The following MGST1 variants were observed in gnomAD, a reference collection of about 807,000 sequenced individuals.
The protein encoded by MGST1 is glutathione S-transferase 12.
Under a neutral mutation model 8.9 loss-of-function variants are expected in MGST1, and 5 were observed. The observed-to-expected ratio is 0.56, with a 90% CI of 0.29 to 1.19. The LOEUF (loss-of-function observed/expected upper bound fraction) is 1.19. MGST1 is among the 50% of genes most tolerant of loss of function. The pLI is 0.08. For missense variants in MGST1, 182 were observed against 187.4 expected (o/e 0.97, Z 0.17); for synonymous variants, 54 against 67.8 (o/e 0.80, Z 1.00).
chr12:16,566,035 TATATAA>T (rs1565488381), intron 4 of MGST1, among the ~76,000 whole-genome samples: 2 of 85,754 alleles, frequency 2.3e-5, no homozygotes, highest in African/African-American at 9.0e-5. Context: ...TATATATATA[TATATAA>T]AATGGAGTAC....
In MGST1 at chr12:16,547,419, T is replaced by C. The variant is rs559381099; in HGVS notation, n.483-42109T>C. Reference sequence around the variant, plus strand: ...TGCGATAATTCTCTGAACACATTGATTACTTGAGATATTTTCTGGGGCTTT... The same window carrying C: ...TGCGATAATTCTCTGAACACATTGACTACTTGAGATATTTTCTGGGGCTTT... On this transcript the variant is annotated intron_variant and non_coding_transcript_variant, in intron 4 of 4. Coordinates refer to the MGST1 transcript ENST00000538857. This position sits in a 1 kb window ranked among gnomAD's most constrained non-coding sequence, Gnocchi z 4.6. Among the ~76,000 whole-genome samples the C allele has an allele frequency of 9.8e-4, 150 of 152,306 alleles. 2 individuals are homozygous for C. In the South Asian group the frequency reaches 0.019, roughly 19 times the overall value.
downstream of MGST1, among the ~76,000 whole-genome samples, chr12:16,590,127 A>G (rs1269142826): frequency 5.9e-5 from 9 of 152,130 alleles, no homozygotes; most frequent in Non-Finnish European, 5.9e-5. Flanking sequence ...GTTTAAACTT[A>G]AACATTTTTA....
At chr12:16,419,177 T>C (rs10846362) in intron 1 of MGST1, among the ~76,000 whole-genome samples, 80,307 of 151,968 alleles carry the variant, frequency 0.53, 22,245 homozygotes, top group East Asian at 0.87. Context: ...TTTCCCCGTG[T>C]TAGGGATCTA....
chr12:16,401,508 T>C lies in MGST1; in HGVS notation n.778+17904T>C. 1.1e-6 allele frequency: 1 copy of C among 880,826 alleles called. No homozygotes were observed. Among genetic ancestry groups the C allele is most frequent in the South Asian group, 1.4e-5 (1 of 70,814 alleles). 54.6% of individuals were successfully genotyped at this position (880,826 alleles called of 1,614,324 possible). ...TCAGCAGCTCTTCTTGAAGCTGGAGTAAAAAGTTGTAATTTTCTTGAACTT... is the reference window on the plus strand; with the variant it reads ...TCAGCAGCTCTTCTTGAAGCTGGAGCAAAAAGTTGTAATTTTCTTGAACTT... On this transcript the variant is annotated intron_variant and non_coding_transcript_variant, in intron 1 of 1. Coordinates refer to the MGST1 transcript ENST00000359720. The surrounding 1 kb of genome is among the most constrained non-coding windows in gnomAD (Gnocchi z 4.3).
chr12:16,456,116 C>T (rs1043011026), intron 4 of MGST1, among the ~76,000 whole-genome samples: 4 of 151,646 alleles, frequency 2.6e-5, no homozygotes, highest in East Asian at 1.9e-4. Flanking sequence ...TGCCTGATAT[C>T]GTGCCCGGCT....
At chr12:16,484,713 A>G (rs2137149135) in intron 4 of MGST1, among the ~76,000 whole-genome samples, 1 of 152,274 alleles carries the variant, frequency 6.6e-6, no homozygotes, top group African/African-American at 2.4e-5. Flanking sequence ...GAGAAGTGTC[A>G]TGAGAACAGC....
intron 4 of MGST1, among the ~76,000 whole-genome samples, chr12:16,508,323 T>C (rs1941554093): frequency 6.6e-6 from 1 of 152,182 alleles, no homozygotes; most frequent in Non-Finnish European, 1.5e-5. Context: ...TGAATTCCTT[T>C]CTTTACTCTT....
intron 1 of MGST1, among the ~76,000 whole-genome samples, chr12:16,387,767 C>T (rs536883591): frequency 1.3e-5 from 2 of 152,136 alleles, no homozygotes; most frequent in Middle Eastern, 3.2e-3. Flanking sequence ...ACCTCATGAT[C>T]TGCCCGCCTT....
chr12:16,354,510 C>A (rs1939621980), intron 2 of MGST1, 132 bp downstream of exon 2: 1 of 801,240 alleles, frequency 1.2e-6, no homozygotes, highest in Non-Finnish European at 1.9e-6. Flanking sequence ...TGAAGTATGC[C>A]ATCGTTTGGC....
In MGST1 at chr12:16,347,842, A is replaced by G. The variant is rs1939271160; in HGVS notation, c.-23+132A>G. The G allele has an allele frequency of 6.6e-6, 1 of 152,248 alleles. No homozygotes were observed. Among genetic ancestry groups the G allele is most frequent in the South Asian group, 2.1e-4 (1 of 4,826 alleles). The allele number at this position is 152,248 out of a possible 1,614,324, so 9.4% of individuals were successfully genotyped here. The stretch of plus-strand genomic sequence containing the variant: ...GTGCTTGGCTCCACTTAGCAGCTAA[A>G]CTTAGCTTTTCAATCGATCGCTTTT... On this transcript the variant is annotated intron_variant, in intron 1 of 3. Transcript: ENST00000396210. The surrounding 1 kb of genome is among the most constrained non-coding windows in gnomAD (Gnocchi z 4.0).
Position 16,563,664 on chromosome 12 carries a change from A to G in MGST1, n.483-25864A>G, listed in dbSNP as rs78779688. 2.2e-4 allele frequency among the ~76,000 whole-genome samples: 34 copies of G among 152,230 alleles called. No individual in the cohort carries two copies. In the East Asian group the frequency reaches 3.9e-3, roughly 17 times the overall value. ...ATCCACTTTTCCATTTAAGCTGGAG[A>G]TCCTTGTAAATTCTTGTTTGTAGTG... On this transcript the variant is annotated intron_variant and non_coding_transcript_variant, in intron 4 of 4. Transcript: ENST00000538857.
Position 16,500,248 on chromosome 12 carries a change from T to TA in MGST1, n.483-89274dup, listed in dbSNP as rs1025715077. Among the ~76,000 whole-genome samples the TA allele has an allele frequency of 1.3e-5, 2 of 152,170 alleles. No homozygotes were observed. Among genetic ancestry groups the TA allele is most frequent in the South Asian group, 2.1e-4 (1 of 4,832 alleles). On this transcript the variant is annotated intron_variant and non_coding_transcript_variant, in intron 4 of 4. Coordinates refer to the MGST1 transcript ENST00000538857. This position sits in a 1 kb window ranked among gnomAD's most constrained non-coding sequence, Gnocchi z 4.3. The stretch of plus-strand genomic sequence containing the variant: ...AGAAAATAATTAAAGGTTATGCCAT[T>TA]AAAAAATGTGTCCAAAATGAAGCAA...
downstream of MGST1, among the ~76,000 whole-genome samples, chr12:16,443,540 A>T (rs1284243257): frequency 6.6e-6 from 1 of 151,608 alleles, no homozygotes; most frequent in Admixed American, 6.6e-5. Flanking sequence ...TACTCTTGAA[A>T]TTCTTAACTT....
chr12:16,412,403 T>C (rs1940749866), intron 1 of MGST1, among the ~76,000 whole-genome samples: 1 of 152,178 alleles, frequency 6.6e-6, no homozygotes, highest in African/African-American at 2.4e-5. Context: ...ATCTGCCCAG[T>C]TGGAAATTGG....
intron 1 of MGST1, among the ~76,000 whole-genome samples, chr12:16,387,887 C>T (rs1940519074): frequency 6.6e-6 from 1 of 151,584 alleles, no homozygotes; most frequent in Non-Finnish European, 1.5e-5. Context: ...TACCATTGCA[C>T]TACAATTTGT....
intron 1 of MGST1, among the ~76,000 whole-genome samples, chr12:16,404,777 C>T (rs1591718751): frequency 6.6e-6 from 1 of 152,166 alleles, no homozygotes; most frequent in African/African-American, 2.4e-5. Context: ...TTTACGTCCT[C>T]ATTACCACTT....
At chr12:16,501,761 A>G (rs1173365270) in intron 4 of MGST1, among the ~76,000 whole-genome samples, 2 of 152,192 alleles carry the variant, frequency 1.3e-5, no homozygotes, top group African/African-American at 4.8e-5. Context: ...CTAGTACTAA[A>G]TTAATTAATA....
At chr12:16,382,426 A>G (rs1940465320), upstream of MGST1, among the ~76,000 whole-genome samples, 1 of 152,176 alleles carries the variant, frequency 6.6e-6, no homozygotes, top group Non-Finnish European at 1.5e-5. Context: ...TTGCCTGGGT[A>G]TCAGCAGCAG....
At chr12:16,444,181 TGG>T (rs1565455897) in intron 4 of MGST1, among the ~76,000 whole-genome samples, 2 of 148,378 alleles carry the variant, frequency 1.3e-5, no homozygotes, top group Admixed American at 1.4e-4. Context: ...TTGGCTGATT[TGG>T]TTTTTTTTTT....
Sources: allele counts gnomAD v4.1 joint callset (sites outside exome capture counted in the v4.1 genomes callset), GRCh38; gene constraint gnomAD v4.1.1; non-coding constraint Gnocchi (gnomAD v3.1); transcripts MANE v1.5; gene names NCBI Gene and HGNC (gene_info 2026-07-23, HGNC 2026-07-21).